Variants in TMEM175 observed in about 807,000 individuals in gnomAD.
TMEM175 encodes the protein transmembrane protein 175.
TMEM175 carries 36 observed loss-of-function variants against 36.5 expected under a neutral mutation model. The observed-to-expected ratio is 0.99, with a 90% confidence interval of 0.76 to 1.30. The LOEUF (loss-of-function observed/expected upper bound fraction) is 1.30, where lower values mean the gene tolerates loss of function less well. TMEM175 is among the 50% of genes most tolerant of loss of function. The pLI is 0.00. For missense variants in TMEM175, 705 were observed against 692.8 expected (o/e 1.02, Z -0.20); for synonymous variants, 339 against 313.4 (o/e 1.08, Z -0.86).
intron 1 of TMEM175, 77 bp from the exon 2 acceptor site, chr4:947,632 C>G (rs1728346074): frequency 4.9e-6 from 6 of 1,215,436 alleles, no homozygotes; most frequent in Non-Finnish European, 6.8e-6. Flanking sequence ...GTCCCTGTCC[C>G]TGCACCAGGG....
At chr4:939,583 G>C (rs1356457014) in intron 1 of TMEM175, among the ~76,000 whole-genome samples, 1 of 152,202 alleles carries the variant, frequency 6.6e-6, no homozygotes, top group African/African-American at 2.4e-5. Flanking sequence ...GGGCGTGGGG[G>C]TGAGTGCCTG....
intron 9 of TMEM175, 122 bp from the exon 10 acceptor site, chr4:955,633 C>T: frequency 6.7e-7 from 1 of 1,487,240 alleles, no homozygotes; most frequent in Non-Finnish European, 9.1e-7. Context: ...GCGTCCCTGT[C>T]CTGTCTCCTC....
intron 8 of TMEM175, among the ~76,000 whole-genome samples, chr4:954,299 G>C (rs1339676141): frequency 2.0e-5 from 3 of 152,160 alleles, no homozygotes; most frequent in Non-Finnish European, 4.4e-5. Context: ...TTTTCTTTTG[G>C]ATAAGGAATC....
intron 1 of TMEM175, among the ~76,000 whole-genome samples, chr4:937,606 T>C (rs1015732608): frequency 6.6e-6 from 1 of 152,194 alleles, no homozygotes; most frequent in African/African-American, 2.4e-5. Flanking sequence ...CTCTGGGAAT[T>C]CTACTAAACA....
intron 1 of TMEM175, 85 bp from the exon 2 acceptor site, chr4:947,624 C>A: frequency 9.3e-7 from 1 of 1,074,770 alleles, no homozygotes; most frequent in Non-Finnish European, 1.3e-6. Context: ...CCATACCAGT[C>A]CCTGTCCCTG....
rs367644317 is a variant in TMEM175, at chr4:952,756, CTG to C, written c.462+321_462+322del. ...CCCTCTTGGGGCCCGGGGCCCTGTG[CTG>C]TGTGTGTGTGTGTGCTGTATGTGTG... On this transcript the variant is annotated intron_variant, in intron 7 of 10. Coordinates refer to ENST00000264771, the MANE Select transcript of TMEM175 (RefSeq NM_032326.4). Among the ~76,000 whole-genome samples the C allele has an allele frequency of 3.3e-3, 468 of 142,616 alleles. 4 individuals carry two copies. The highest frequency in any genetic ancestry group is 0.01 in the African/African-American group (399 of 38,722). The allele number at this position is 142,616 out of a possible 152,430, so 93.6% of individuals were successfully genotyped here. A position where few individuals can be genotyped will look rare whatever the true frequency, so the allele number is the denominator to read the frequency against.
chr4:953,432 A>G, intron 8 of TMEM175, 78 bp downstream of exon 8: 1 of 1,488,928 alleles, frequency 6.7e-7, no homozygotes, highest in Non-Finnish European at 9.0e-7. Flanking sequence ...TGAGCAACAA[A>G]CACGGGGGTG....
intron 1 of TMEM175, among the ~76,000 whole-genome samples, chr4:939,294 C>T (rs553648974): frequency 6.6e-6 from 1 of 152,202 alleles, no homozygotes. Flanking sequence ...GAAAAAGGAA[C>T]CTTGGGCCGG....
At chr4:936,425 G>C (rs1560469333) in intron 1 of TMEM175, among the ~76,000 whole-genome samples, 1 of 151,952 alleles carries the variant, frequency 6.6e-6, no homozygotes, top group African/African-American at 2.4e-5. Context: ...AAGCAATAGA[G>C]AAAATCAGGG....
chr4:955,749 C>A lies in TMEM175; in HGVS notation c.707-6C>A, dbSNP rs778025081. The A allele has an allele frequency of 4.1e-5, 66 of 1,612,682 alleles. No homozygotes were observed. The highest frequency in any genetic ancestry group is 3.4e-4 in the Middle Eastern group (2 of 5,902). On this transcript the variant is annotated splice_polypyrimidine_tract_variant and splice_region_variant and intron_variant, in intron 9 of 10. Coordinates refer to ENST00000264771, the MANE Select transcript of TMEM175 (RefSeq NM_032326.4). ...GGCCAGCTCCACCCTCCTGGCGTGT[C>A]CCCAGGCCACAGGGAGCCCTCGGCT...
Position 958,203 on chromosome 4 carries a change from T to C in TMEM175, c.1222T>C (p.Ser408Pro), listed in dbSNP as rs757526248. 6.2e-7 allele frequency: 1 copy of C among 1,602,168 alleles called. No homozygotes were observed. The highest frequency in any genetic ancestry group is 1.3e-5 in the African/African-American group (1 of 74,976). ...LLHQAETLQP[S>P]VWFGGREHVL... ...GCACCAGGCGGAGACGCTGCAGCCC[T>C]CGGTGTGGTTTGGCGGCCGGGAGCA... The change falls in exon 11 of 11, where the codon TCG becomes CCG. Residue 408 changes from serine (S) to proline (P), a missense_variant. Ser to Pro is a moderately conservative substitution (Grantham distance 74, BLOSUM62 -1). Coordinates refer to ENST00000264771, the MANE Select transcript of TMEM175 (RefSeq NM_032326.4).
intron 1 of TMEM175, among the ~76,000 whole-genome samples, chr4:945,336 C>A (rs1428713501): frequency 2.0e-5 from 3 of 152,146 alleles, no homozygotes; most frequent in Non-Finnish European, 2.9e-5. Context: ...TTTGTTGCTG[C>A]CTCAGCTTCT....
rs73064457 is a variant in TMEM175, at chr4:936,080, G to A, written c.-32+3540G>A. On this transcript the variant is annotated intron_variant, in intron 1 of 10. Transcript: ENST00000264771. ...GAAACTAGAAAAGTTGGCTGGGCAC[G>A]GTAGCTCACTTTGGCAGGCTGAGGT... Among the ~76,000 whole-genome samples, 722 of 152,192 alleles carry A rather than the reference G, an allele frequency of 4.7e-3. 7 individuals carry two copies. Among genetic ancestry groups the A allele is most frequent in the African/African-American group, 0.016 (673 of 41,538 alleles).
At chr4:941,141 G>T (rs796477690) in intron 1 of TMEM175, among the ~76,000 whole-genome samples, 30 of 150,518 alleles carry the variant, frequency 2.0e-4, no homozygotes, top group African/African-American at 6.5e-4. Context: ...ACTTTGGGAG[G>T]CCAAGGTGGG....
At chr4:933,130 A>T (rs1009551370) in intron 1 of TMEM175, among the ~76,000 whole-genome samples, 4 of 152,234 alleles carry the variant, frequency 2.6e-5, no homozygotes, top group Non-Finnish European at 5.9e-5. Flanking sequence ...GAAATGGCTC[A>T]CAGACAATGC....
At chr4:952,786 T>C (rs1018083692) in intron 7 of TMEM175, among the ~76,000 whole-genome samples, 1 of 151,190 alleles carries the variant, frequency 6.6e-6, no homozygotes, top group Admixed American at 6.6e-5. Context: ...TATGTGTGTG[T>C]GTATATGTGT....
In TMEM175 at chr4:957,983, G is replaced by A. The variant is rs1371394612; in HGVS notation, c.1002G>A (p.Val334=). 1.2e-6 allele frequency: 2 copies of A among 1,612,770 alleles called. No individual in the cohort carries two copies. Among genetic ancestry groups the A allele is most frequent in the Non-Finnish European group, 1.7e-6 (2 of 1,179,946 alleles). ...WFAHHSLFLH[V]RKATRAMGLL... ...CCCACCACTCACTCTTCCTGCATGT[G>A]CGCAAGGCCACGCGGGCCATGGGGC... The change falls in exon 11 of 11, where the codon GTG becomes GTA. Residue 334 remains valine, a synonymous_variant. Coordinates refer to ENST00000264771, the MANE Select transcript of TMEM175 (RefSeq NM_032326.4).
intron 1 of TMEM175, among the ~76,000 whole-genome samples, chr4:941,247 G>C (rs1040681751): frequency 2.7e-5 from 4 of 149,602 alleles, no homozygotes; most frequent in Admixed American, 6.7e-5. Context: ...GTTATGGCAG[G>C]CACCTGTAAT....
At chr4:944,655 G>T (rs764267673) in intron 1 of TMEM175, among the ~76,000 whole-genome samples, 6 of 152,194 alleles carry the variant, frequency 3.9e-5, no homozygotes, top group Non-Finnish European at 8.8e-5. Context: ...TACATAAATG[G>T]TACAATAGTA....
Sources: allele counts gnomAD v4.1 joint callset (sites outside exome capture counted in the v4.1 genomes callset), GRCh38; gene constraint gnomAD v4.1.1; transcripts MANE v1.5; gene names NCBI Gene and HGNC (gene_info 2026-07-23, HGNC 2026-07-21).